PTGER3: variants seen among roughly 807,000 people sequenced by gnomAD.
PTGER3 encodes prostaglandin E2 receptor EP3 subtype.
PTGER3 carries 22 observed loss-of-function variants against 34.7 expected under a neutral mutation model. The observed-to-expected ratio is 0.63, with a 90% confidence interval of 0.45 to 0.91. The LOEUF is 0.91. PTGER3 is among the 40% of genes least tolerant of loss of function. PTGER3 has a pLI of 0.00. For synonymous variants in PTGER3, 241 were observed against 230.1 expected (o/e 1.05, Z -0.43); for missense variants, 468 against 519.4 (o/e 0.90, Z 0.96).
chr1:70,897,838 C>A (rs1380453510), intron 4 of PTGER3, among the ~76,000 whole-genome samples: 1 of 152,148 alleles, frequency 6.6e-6, no homozygotes, highest in Non-Finnish European at 1.5e-5. Context: ...TTGACTTCAA[C>A]ATGTTTTTGT....
At chr1:71,015,071 C>T (rs1309460158) in intron 1 of PTGER3, among the ~76,000 whole-genome samples, 1 of 152,150 alleles carries the variant, frequency 6.6e-6, no homozygotes. Flanking sequence ...CCCTCTTGGC[C>T]TTTATTCTTT....
chr1:70,988,215 T>G (rs1461736950), intron 2 of PTGER3, among the ~76,000 whole-genome samples: 2 of 152,198 alleles, frequency 1.3e-5, no homozygotes, highest in Admixed American at 1.3e-4. Flanking sequence ...ACTGTGATCT[T>G]CAGGCAAAAC....
intron 1 of PTGER3, among the ~76,000 whole-genome samples, chr1:71,019,063 T>C (rs1658170796): frequency 6.6e-6 from 1 of 152,230 alleles, no homozygotes; most frequent in Admixed American, 6.5e-5. Flanking sequence ...CAAATTAGCA[T>C]CCATCTGTTG....
intron 1 of PTGER3, among the ~76,000 whole-genome samples, chr1:71,029,880 C>A (rs1398748719): frequency 6.6e-6 from 1 of 151,572 alleles, no homozygotes; most frequent in African/African-American, 2.4e-5. Context: ...GAGCCGAGAT[C>A]ACGCTACTGC....
At chr1:70,959,142 T>C (rs1178812137) in intron 2 of PTGER3, among the ~76,000 whole-genome samples, 2 of 152,198 alleles carry the variant, frequency 1.3e-5, no homozygotes, top group African/African-American at 4.8e-5. Context: ...TCAGAATTGC[T>C]GTGGCTATCT....
chr1:71,035,288 C>T (rs971377552), intron 1 of PTGER3, among the ~76,000 whole-genome samples: 10 of 152,164 alleles, frequency 6.6e-5, no homozygotes, highest in African/African-American at 2.4e-4. Context: ...AAGCAATCTA[C>T]TTATGTGTTT....
chr1:71,013,275 C>T (rs138359541), intron 1 of PTGER3, among the ~76,000 whole-genome samples: 1 of 151,902 alleles, frequency 6.6e-6, no homozygotes, highest in African/African-American at 2.4e-5. Context: ...ATAAAAATGA[C>T]AGTATATGAG....
At chr1:70,908,944 T>A (rs1004567055) in intron 4 of PTGER3, among the ~76,000 whole-genome samples, 66 of 152,178 alleles carry the variant, frequency 4.3e-4, no homozygotes, top group Admixed American at 3.1e-3. Flanking sequence ...TTGACCAGCT[T>A]AAGAGTATAG....
chr1:70,898,001 T>G (rs757545660), intron 4 of PTGER3, among the ~76,000 whole-genome samples: 10 of 145,002 alleles, frequency 6.9e-5, no homozygotes, highest in Non-Finnish European at 1.2e-4. Context: ...CCTCACTGAT[T>G]TAAAAAAAAA....
chr1:71,046,815 C>T lies in PTGER3; in HGVS notation c.763G>A (p.Ala255Thr), dbSNP rs764554000. ...TFSCNLATIKALVSRCRAKAT... is the reference protein window; with the variant it reads ...TFSCNLATIKTLVSRCRAKAT... ...TTGGCCCGGCAGCGGGACACCAGGG[C>T]CTTAATGGTGGCCAGGTTGCAGGAA... is the stretch of plus-strand genomic sequence containing the variant. The change falls in exon 1 of 4, where the codon GCC becomes ACC. Residue 255 changes from alanine (A) to threonine (T), a missense_variant. Ala to Thr is a moderately conservative substitution (Grantham distance 58, BLOSUM62 0). Transcript: ENST00000306666. 5.0e-6 allele frequency: 8 copies of T among 1,614,126 alleles called. No homozygotes were observed. Among genetic ancestry groups the T allele is most frequent in the Non-Finnish European group, 6.8e-6 (8 of 1,180,048 alleles).
At chr1:70,987,542 T>C (rs1391868784) in intron 2 of PTGER3, among the ~76,000 whole-genome samples, 2 of 152,204 alleles carry the variant, frequency 1.3e-5, no homozygotes, top group Non-Finnish European at 2.9e-5. Flanking sequence ...AAATCGATTC[T>C]TATTCTCCAA....
chr1:70,855,361 G>C (rs543372626), intron 4 of PTGER3, among the ~76,000 whole-genome samples: 1 of 152,204 alleles, frequency 6.6e-6, no homozygotes, highest in African/African-American at 2.4e-5. Context: ...TAGAGTTTCA[G>C]TTTTGCAAAA....
intron 2 of PTGER3, among the ~76,000 whole-genome samples, chr1:70,992,128 C>T (rs74087142): frequency 0.056 from 8,594 of 152,216 alleles, 437 homozygotes; most frequent in African/African-American, 0.13. Flanking sequence ...CCCTCAGTCA[C>T]ACAGCTAGTA....
chr1:70,855,522 A>C (rs1308294319), intron 4 of PTGER3, among the ~76,000 whole-genome samples: 1 of 152,236 alleles, frequency 6.6e-6, no homozygotes, highest in African/African-American at 2.4e-5. Context: ...ATAAATAAAT[A>C]AATTAGTTCT....
At chr1:71,011,705 G>C in intron 2 of PTGER3, 1 of 974,942 alleles carries the variant, frequency 1.0e-6, no homozygotes. Flanking sequence ...TAATGGTATC[G>C]ATGAATATTA....
chr1:70,923,515 T>C (rs1647757284), intron 4 of PTGER3, among the ~76,000 whole-genome samples: 1 of 152,162 alleles, frequency 6.6e-6, no homozygotes, highest in South Asian at 2.1e-4. Flanking sequence ...CTGATAACTT[T>C]GGAGATTATT....
intron 4 of PTGER3, among the ~76,000 whole-genome samples, chr1:70,890,486 C>A (rs182960863): frequency 6.6e-6 from 1 of 152,138 alleles, no homozygotes; most frequent in South Asian, 2.1e-4. Flanking sequence ...AATACTGGTC[C>A]ATTAACTTAT....
At chr1:70,871,180 C>A (rs577475287) in intron 4 of PTGER3, among the ~76,000 whole-genome samples, 4 of 152,068 alleles carry the variant, frequency 2.6e-5, no homozygotes, top group Non-Finnish European at 4.4e-5. Context: ...TTTGGGGAGG[C>A]CTCAGGGAGC....
At position 71,007,507 on chromosome 1, in the gene PTGER3, G is replaced by A. The variant is rs968956591; in HGVS notation, c.1077+4798C>T. 33 of 985,186 alleles carry A rather than the reference G, an allele frequency of 3.3e-5. No homozygotes were observed. In the Admixed American group the frequency reaches 4.9e-4, roughly 15 times the overall value. The allele number at this position is 985,186 out of a possible 1,614,324, so 61.0% of individuals were successfully genotyped here. ...CAAGTGTTCAAAGATAAATGCAGTC[G>A]GTCCCTTCCTCTCTTTGCTTCCAGG... On this transcript the variant is annotated intron_variant, in intron 2 of 3. Transcript: ENST00000306666.
Sources: allele counts gnomAD v4.1 joint callset (sites outside exome capture counted in the v4.1 genomes callset), GRCh38; gene constraint gnomAD v4.1.1; transcripts MANE v1.5; gene names NCBI Gene and HGNC (gene_info 2026-07-23, HGNC 2026-07-21).